Variants in NBEAL1 observed in about 807,000 individuals in gnomAD.
NBEAL1 encodes neurobeachin like 1, also known as neurobeachin-like protein 1.
A neutral mutation model predicts 351.3 loss-of-function variants in NBEAL1; 273 were observed. The ratio of observed to expected loss-of-function variants is 0.78; its 90% CI spans 0.70 to 0.86. The LOEUF is 0.86. Ranked by LOEUF, NBEAL1 falls within the 40% of genes least tolerant of loss-of-function variation. The pLI, the probability that NBEAL1 is intolerant of heterozygous loss-of-function variation, is 0.00. For missense variants in NBEAL1, 2,961 were observed against 3,201.3 expected (o/e 0.92, Z 1.81); for synonymous variants, 1,050 against 1,086.4 (o/e 0.97, Z 0.66).
At position 203,127,957 on chromosome 2, in the gene NBEAL1, T is replaced by C; in HGVS notation, c.3405+20T>C. 4 of 1,532,448 alleles carry C rather than the reference T, an allele frequency of 2.6e-6. No individual in the cohort carries two copies. Among genetic ancestry groups the C allele is most frequent in the Non-Finnish European group, 3.5e-6 (4 of 1,134,304 alleles). 94.9% of individuals were successfully genotyped at this position (1,532,448 alleles called of 1,614,324 possible). A position where few individuals can be genotyped will look rare whatever the true frequency, so the allele number is the denominator to read the frequency against. On this transcript the variant is annotated intron_variant, in intron 24 of 55. Coordinates refer to ENST00000683969, the MANE Select transcript of NBEAL1 (RefSeq NM_001378026.1). ...GAACAGGTATTATGCCTAAGATACA[T>C]CTACTTTTCCTTTTTAACATTTGAG...
chr2:203,215,377 C>T (rs1180685595), intron 55 of NBEAL1, among the ~76,000 whole-genome samples: 1 of 152,158 alleles, frequency 6.6e-6, no homozygotes, highest in East Asian at 1.9e-4. Flanking sequence ...GTGGCACGTG[C>T]CTGTAGTCCC....
chr2:203,180,948 T>TTTTTTTTTTTTG (rs1363980631), intron 43 of NBEAL1: 2 of 135,728 alleles, frequency 1.5e-5, no homozygotes, highest in Non-Finnish European at 3.1e-5. Context: ...TTTTTTTTTT[T>TTTTTTTTTTTTG]TTTTTTTGAG....
At chr2:203,165,695 T>C (rs2064111308) in intron 36 of NBEAL1, among the ~76,000 whole-genome samples, 1 of 152,170 alleles carries the variant, frequency 6.6e-6, no homozygotes, top group Non-Finnish European at 1.5e-5. Flanking sequence ...TGCAGAATAC[T>C]TCTTGAGGGT....
chr2:203,177,883 G>T (rs1200353340), intron 42 of NBEAL1, among the ~76,000 whole-genome samples: 1 of 151,930 alleles, frequency 6.6e-6, no homozygotes, highest in Non-Finnish European at 1.5e-5. Flanking sequence ...TCTGGGCGTG[G>T]TCGTGGGTGC....
chr2:203,213,101 C>G (rs1445337581), intron 54 of NBEAL1, among the ~76,000 whole-genome samples: 1 of 152,008 alleles, frequency 6.6e-6, no homozygotes, highest in African/African-American at 2.4e-5. Flanking sequence ...TCTAATCTCT[C>G]TAAAGGGAAC....
chr2:203,145,797 C>CAAAAAAAAAAAAAAAAAA, intron 33 of NBEAL1, among the ~76,000 whole-genome samples: 1 of 86,138 alleles, frequency 1.2e-5, no homozygotes, highest in Non-Finnish European at 2.3e-5. Flanking sequence ...GACTCCATCT[C>CAAAAAAAAAAAAAAAAAA]AAAAAAAAAA....
chr2:203,111,803 C>T (rs1483363660), intron 15 of NBEAL1, among the ~76,000 whole-genome samples, 176 bp from the exon 16 acceptor site: 4 of 152,158 alleles, frequency 2.6e-5, no homozygotes, highest in Non-Finnish European at 5.9e-5. Context: ...AATATGCTTA[C>T]GTGCTTTTGT....
At chr2:203,074,410 C>T (rs1426336348) in intron 7 of NBEAL1, among the ~76,000 whole-genome samples, 2 of 148,564 alleles carry the variant, frequency 1.3e-5, no homozygotes, top group African/African-American at 5.0e-5. Context: ...TCACTGCAGC[C>T]TCCGCCTCCC....
intron 11 of NBEAL1, 33 bp downstream of exon 11, chr2:203,097,666 A>G: frequency 2.2e-6 from 2 of 914,008 alleles, no homozygotes; most frequent in Non-Finnish European, 2.6e-6. Flanking sequence ...GTTTCAGCTG[A>G]AGTCCAAAAT....
At chr2:203,079,556 G>T (rs142085662) in intron 8 of NBEAL1, among the ~76,000 whole-genome samples, 1 of 151,876 alleles carries the variant, frequency 6.6e-6, no homozygotes, top group African/African-American at 2.4e-5. Context: ...ATCTTAGGTC[G>T]AAAGTTTTTA....
intron 34 of NBEAL1, among the ~76,000 whole-genome samples, chr2:203,150,546 T>C (rs962851268): frequency 6.6e-6 from 1 of 152,204 alleles, no homozygotes; most frequent in Non-Finnish European, 1.5e-5. Flanking sequence ...GGAAAGTTTT[T>C]AATTTTAACA....
intron 2 of NBEAL1, among the ~76,000 whole-genome samples, chr2:203,038,206 A>G (rs1294832464): frequency 1.3e-5 from 2 of 149,390 alleles, no homozygotes; most frequent in African/African-American, 2.4e-5. Flanking sequence ...ACATTTTTGT[A>G]CAAGTGTTTT....
At chr2:203,134,109 C>A (rs2063142733) in intron 27 of NBEAL1, among the ~76,000 whole-genome samples, 1 of 151,996 alleles carries the variant, frequency 6.6e-6, no homozygotes, top group African/African-American at 2.4e-5. Context: ...CCACATTGTC[C>A]TTCAAAATAA....
Position 203,097,534 on chromosome 2 carries a change from C to G in NBEAL1, c.1099-13C>G. 1.0e-6 allele frequency: 1 copy of G among 971,414 alleles called. No individual in the cohort carries two copies. Among genetic ancestry groups the G allele is most frequent in the Non-Finnish European group, 1.2e-6 (1 of 816,782 alleles). 60.2% of individuals were successfully genotyped at this position (971,414 alleles called of 1,614,324 possible). A position where few individuals can be genotyped will look rare whatever the true frequency, so the allele number is the denominator to read the frequency against. ...TGTTCTTTCTCCATTATTCTTGTCTCTGTTTTTAACAGCTATTTTTAAATG... is the reference window on the plus strand; with the variant it reads ...TGTTCTTTCTCCATTATTCTTGTCTGTGTTTTTAACAGCTATTTTTAAATG... On this transcript the variant is annotated splice_polypyrimidine_tract_variant and intron_variant, in intron 10 of 55. Transcript: ENST00000683969.
intron 45 of NBEAL1, among the ~76,000 whole-genome samples, chr2:203,189,447 A>G (rs540062155): frequency 4.5e-4 from 69 of 152,228 alleles, no homozygotes; most frequent in Middle Eastern, 3.4e-3. Flanking sequence ...GTGCAGTGGC[A>G]TAATCATAGT....
intron 21 of NBEAL1, 63 bp from the exon 22 acceptor site, chr2:203,126,494 A>G: frequency 8.3e-7 from 1 of 1,200,682 alleles, no homozygotes; most frequent in East Asian, 2.9e-5. Context: ...ATGATTTAAA[A>G]TTATAACTTA....
chr2:203,067,649 G>A (rs541616555), intron 6 of NBEAL1, among the ~76,000 whole-genome samples: 77 of 152,086 alleles, frequency 5.1e-4, no homozygotes, highest in Non-Finnish European at 9.4e-4. Flanking sequence ...TTCTATTTTT[G>A]TTGGCTTTAT....
chr2:203,055,250 C>A (rs1173823198), intron 4 of NBEAL1, among the ~76,000 whole-genome samples: 1 of 152,114 alleles, frequency 6.6e-6, no homozygotes, highest in African/African-American at 2.4e-5. Context: ...CCAATTTTGC[C>A]TCTGCCTGTA....
At position 203,083,495 on chromosome 2, in the gene NBEAL1, C is replaced by G. The variant is rs773758454; in HGVS notation, c.961C>G (p.Arg321Gly). The G allele has an allele frequency of 3.2e-6, 5 of 1,549,428 alleles. No individual in the cohort carries two copies. Among genetic ancestry groups the G allele is most frequent in the Non-Finnish European group, 4.4e-6 (5 of 1,145,638 alleles). The change falls in exon 9 of 56, where the codon CGA becomes GGA. Residue 321 changes from arginine (R) to glycine (G), a missense_variant. Physicochemically the swap from Arg to Gly is moderately radical, Grantham distance 125. Transcript: ENST00000683969. ...NQRRSRQWEN[R>G]FIALQIKMLN... The stretch of plus-strand genomic sequence containing the variant: ...AAGGAGGTCCAGACAGTGGGAAAAC[C>G]GATTTATTGCTCTACAGATCAAAAT...
Sources: gnomAD v4.1 joint callset for allele counts (sites outside exome capture counted in the v4.1 genomes callset) on GRCh38, gnomAD v4.1.1 for gene constraint, MANE v1.5 for transcripts, NCBI Gene and HGNC (gene_info 2026-07-23, HGNC 2026-07-21) for gene names.